Variants in FREM1 observed in about 807,000 individuals in gnomAD.
The protein encoded by FREM1 is FRAS1-related extracellular matrix protein 1.
FREM1 carries 220 observed loss-of-function variants against 210.1 expected under a neutral mutation model. The ratio of observed to expected loss-of-function variants is 1.05; its 90% CI spans 0.94 to 1.17. The LOEUF (loss-of-function observed/expected upper bound fraction) is 1.17, where lower values mean the gene tolerates loss of function less well. Ranked by LOEUF, FREM1 falls within the 50% of genes most tolerant of loss-of-function variation. The pLI is 0.00. For synonymous variants in FREM1, 1,189 were observed against 980.2 expected, an observed-to-expected ratio of 1.21 and a Z score of -3.98; for missense variants, 3,454 against 2,675.5, an observed-to-expected ratio of 1.29 and a Z score of -6.42.
chr9:14,739,449 A>AATATATAT (rs56320339), intron 36 of FREM1, among the ~76,000 whole-genome samples: 4 of 132,370 alleles, frequency 3.0e-5, no homozygotes, highest in African/African-American at 8.9e-5. Context: ...AATTATTTGG[A>AATATATAT]ATATATATAT....
chr9:14,739,180 T>G (rs4579619), intron 36 of FREM1, among the ~76,000 whole-genome samples: 15,909 of 151,600 alleles, frequency 0.1, 1,058 homozygotes, highest in Non-Finnish European at 0.15. Context: ...CACGGCTCAC[T>G]GCAGCCTCAA....
chr9:14,776,309 G>T, intron 24 of FREM1, 106 bp from the exon 25 acceptor site: 1 of 1,288,166 alleles, frequency 7.8e-7, no homozygotes. Flanking sequence ...TTGTCGTGTT[G>T]TGACTCAAAT....
chr9:14,823,287 A>G lies in FREM1; in HGVS notation c.2210T>C (p.Met737Thr). 1.2e-6 allele frequency: 2 copies of G among 1,613,960 alleles called. No individual in the cohort carries two copies. The highest frequency in any genetic ancestry group is 8.5e-7 in the Non-Finnish European group (1 of 1,179,854). Residue 737 changes from methionine (M) to threonine (T), a missense_variant, in exon 13 of 37, where the codon ATG (methionine) becomes ACG (threonine). Transcript: ENST00000380880. ...TCTGCAATGGGGACCAATGTCTTGCATGGGGGGCATGTAGGCCACTTTCAT... is the reference window on the plus strand; with the variant it reads ...TCTGCAATGGGGACCAATGTCTTGCGTGGGGGGCATGTAGGCCACTTTCAT... ...NYMKVAYMPP[M>T]QDIGPHCRDV...
At chr9:14,823,408 G>T in intron 12 of FREM1, 81 bp from the exon 13 acceptor site, 2 of 1,265,908 alleles carry the variant, frequency 1.6e-6, no homozygotes, top group Non-Finnish European at 1.1e-6. Flanking sequence ...GAACCATCAT[G>T]TTAATTGATA....
At chr9:14,825,584 T>C (rs973011207) in intron 10 of FREM1, among the ~76,000 whole-genome samples, 7 of 140,008 alleles carry the variant, frequency 5.0e-5, no homozygotes, top group African/African-American at 1.9e-4. Context: ...ACAATTATAG[T>C]GAATCCAGTC....
Position 14,857,610 on chromosome 9 carries a change from A to G in FREM1, c.771T>C (p.Ile257=). The change falls in exon 5 of 37, where the codon ATT becomes ATC. Residue 257 remains isoleucine (I), a synonymous_variant. Coordinates refer to ENST00000380880, the MANE Select transcript of FREM1 (RefSeq NM_001379081.2). ...YQHLDPPSPN[I]DYISIQLDLT... is the part of the protein sequence containing the mutation. Reference sequence around the variant, plus strand: ...GGTCCAGTTGGATGGAGATATAATCAATGTTGGGTGAAGGGGGATCCAGAT... The same window carrying G: ...GGTCCAGTTGGATGGAGATATAATCGATGTTGGGTGAAGGGGGATCCAGAT... 6.2e-7 allele frequency: 1 copy of G among 1,613,880 alleles called. No homozygotes were observed. The highest frequency in any genetic ancestry group is 8.5e-7 in the Non-Finnish European group (1 of 1,179,864).
intron 1 of FREM1, among the ~76,000 whole-genome samples, chr9:14,894,534 C>G (rs932192949): frequency 1.3e-5 from 2 of 152,210 alleles, no homozygotes; most frequent in South Asian, 4.1e-4. Flanking sequence ...TCATGGAAAG[C>G]TGAAATGTTC....
intron 14 of FREM1, among the ~76,000 whole-genome samples, chr9:14,818,190 C>A (rs1246593682): frequency 2.0e-5 from 3 of 152,210 alleles, no homozygotes; most frequent in Non-Finnish European, 2.9e-5. Context: ...ACAGATAGTT[C>A]TAGCAAATAT....
rs1826818850 is a variant in FREM1 at position 14,847,287 on chromosome 9, C to T, written c.1262-1196G>A. The stretch of plus-strand genomic sequence containing the variant: ...CAGCTCAGCCATGCGTTTTTATTTG[C>T]TTCTCCCCTTACTCTTGCTTTTAGT... On this transcript the variant is annotated intron_variant, in intron 7 of 36. Transcript: ENST00000380880. Among the ~76,000 whole-genome samples the T allele has an allele frequency of 2.0e-5, 3 of 152,066 alleles. No homozygotes were observed. In the South Asian group the frequency reaches 6.3e-4, roughly 32 times the overall value.
intron 8 of FREM1, among the ~76,000 whole-genome samples, chr9:14,845,690 T>C (rs1015768497): frequency 6.6e-6 from 1 of 152,218 alleles, no homozygotes; most frequent in Non-Finnish European, 1.5e-5. Flanking sequence ...TTAAGGAGTA[T>C]ACTTACAAGA....
At chr9:14,897,412 C>T (rs913688247) in intron 1 of FREM1, among the ~76,000 whole-genome samples, 11 of 151,924 alleles carry the variant, frequency 7.2e-5, no homozygotes, top group East Asian at 1.9e-4. Context: ...GATGAGGAAA[C>T]GGGGGCCCAA....
intron 27 of FREM1, among the ~76,000 whole-genome samples, chr9:14,767,634 G>A (rs1563873406): frequency 6.6e-6 from 1 of 152,144 alleles, no homozygotes; most frequent in Non-Finnish European, 1.5e-5. Context: ...CTGCCTGGCT[G>A]TCTTGGGAAG....
chr9:14,867,197 C>T (rs978837391), intron 2 of FREM1, among the ~76,000 whole-genome samples: 1 of 152,150 alleles, frequency 6.6e-6, no homozygotes, highest in Non-Finnish European at 1.5e-5. Flanking sequence ...GTAGTTGGGT[C>T]TCTATCACCC....
At chr9:14,751,503 A>T (rs1274614543) in intron 29 of FREM1, among the ~76,000 whole-genome samples, 1 of 151,912 alleles carries the variant, frequency 6.6e-6, no homozygotes, top group African/African-American at 2.4e-5. Context: ...CAAAAACAAA[A>T]ACAAAAATTA....
At chr9:14,893,671 G>C (rs780635840) in intron 1 of FREM1, among the ~76,000 whole-genome samples, 11 of 152,302 alleles carry the variant, frequency 7.2e-5, no homozygotes, top group Non-Finnish European at 1.6e-4. Context: ...TAATCTTTGG[G>C]AAATAAAAAC....
intron 1 of FREM1, among the ~76,000 whole-genome samples, chr9:14,907,284 C>G (rs887127604): frequency 6.6e-6 from 1 of 152,122 alleles, no homozygotes; most frequent in South Asian, 2.1e-4. Context: ...TGAAATGGTG[C>G]CCCAGTCACT....
At chr9:14,845,163 A>C (rs977452072) in intron 8 of FREM1, among the ~76,000 whole-genome samples, 1 of 152,212 alleles carries the variant, frequency 6.6e-6, no homozygotes, top group Non-Finnish European at 1.5e-5. Context: ...CATAAAGTGT[A>C]AATATTACTT....
intron 23 of FREM1, among the ~76,000 whole-genome samples, chr9:14,787,183 T>G (rs1490945566): frequency 6.6e-6 from 1 of 152,168 alleles, no homozygotes; most frequent in East Asian, 1.9e-4. Flanking sequence ...TAAATCTAAC[T>G]CTTTAGTATA....
intron 26 of FREM1, 52 bp downstream of exon 26, chr9:14,770,553 C>T (rs996547239): frequency 7.2e-7 from 1 of 1,382,900 alleles, no homozygotes; most frequent in Non-Finnish European, 1.0e-6. Context: ...CTAGCCCTGC[C>T]AGCCACTGGG....
Sources: allele counts gnomAD v4.1 joint callset (sites outside exome capture counted in the v4.1 genomes callset), GRCh38; gene constraint gnomAD v4.1.1; transcripts MANE v1.5; gene names NCBI Gene and HGNC (gene_info 2026-07-23, HGNC 2026-07-21).